The following ITGAX variants were observed in gnomAD, a reference collection of about 807,000 sequenced individuals.
ITGAX encodes the protein integrin alpha-X.
Under a neutral mutation model 140.2 loss-of-function variants are expected in ITGAX, and 99 were observed. That is an observed-to-expected ratio of 0.71 (90% CI 0.60 to 0.83). The LOEUF (loss-of-function observed/expected upper bound fraction) is 0.83, where lower values mean the gene tolerates loss of function less well. ITGAX is among the 40% of genes least tolerant of loss of function. ITGAX has a pLI of 0.00. For synonymous variants in ITGAX, 631 were observed against 600.4 expected (o/e 1.05, Z -0.75); for missense variants, 1,444 against 1,482.0 (o/e 0.97, Z 0.42).
intron 16 of ITGAX, 28 bp downstream of exon 16, chr16:31,371,525 C>G (rs2080960009): frequency 6.2e-7 from 1 of 1,611,448 alleles, no homozygotes; most frequent in Non-Finnish European, 8.5e-7. Flanking sequence ...CAACCCAGGA[C>G]ACCCTGACCT....
Position 31,360,437 on chromosome 16 carries a change from G to A in ITGAX, c.835G>A (p.Ala279Thr). 1 of 1,612,740 alleles carries A rather than the reference G, an allele frequency of 6.2e-7. No individual in the cohort carries two copies. The highest frequency in any genetic ancestry group is 1.7e-5 in the Admixed American group (1 of 59,770). The change falls in exon 8 of 30, where the codon GCA becomes ACA. Residue 279 changes from alanine to threonine, a missense_variant. Transcript: ENST00000268296. Reference protein sequence around the residue: ...YKDVIPMADAAGIIRYAIGVG... With the variant: ...YKDVIPMADATGIIRYAIGVG... ...GGATGTCATCCCCATGGCTGATGCA[G>A]CAGGCATCATCCGCTATGCAATTGG...
At chr16:31,380,147 C>A in intron 26 of ITGAX, 82 bp downstream of exon 26, 1 of 1,537,028 alleles carries the variant, frequency 6.5e-7, no homozygotes. Flanking sequence ...CCATATCCAT[C>A]CTGCTGAAGT....
intron 12 of ITGAX, 51 bp downstream of exon 12, chr16:31,362,804 G>A (rs1302221170): frequency 6.2e-7 from 1 of 1,610,752 alleles, no homozygotes; most frequent in East Asian, 2.2e-5. Context: ...GGAGGTGGCT[G>A]GGGCAGAGGA....
At position 31,363,208 on chromosome 16, in the gene ITGAX, G is replaced by A. The variant is rs2080855535; in HGVS notation, c.1544G>A (p.Gly515Asp). The A allele has an allele frequency of 6.2e-7, 1 of 1,612,884 alleles. No homozygotes were observed. The highest frequency in any genetic ancestry group is 8.5e-7 in the Non-Finnish European group (1 of 1,179,470). ...WCDAVLYGEQ[G>D]HPWGRFGAAL... ...GATGCTGTTCTCTACGGGGAGCAGGGCCACCCCTGGGGTCGCTTTGGGGCG... is the reference window on the plus strand; with the variant it reads ...GATGCTGTTCTCTACGGGGAGCAGGACCACCCCTGGGGTCGCTTTGGGGCG... Residue 515 changes from glycine (G) to aspartate (D), a missense_variant, in exon 14 of 30, where the codon GGC becomes GAC. Physicochemically the swap from Gly to Asp is moderately conservative, Grantham distance 94 (BLOSUM62 -1). Coordinates refer to ENST00000268296, the MANE Select transcript of ITGAX (RefSeq NM_000887.5).
rs928524351 is a variant in ITGAX at position 31,382,838 on chromosome 16, G to A, written c.*931G>A. On this transcript the variant is annotated 3_prime_UTR_variant, in exon 30 of 30. Transcript: ENST00000268296. Reference sequence around the variant, plus strand: ...AGACCCAACCACTTCTATTTTTTGAGGCTATGAATATAGTACCTGAAAAAA... The same window carrying A: ...AGACCCAACCACTTCTATTTTTTGAAGCTATGAATATAGTACCTGAAAAAA... 2 of 296,680 alleles carry A rather than the reference G, an allele frequency of 6.7e-6. No homozygotes were observed. Among genetic ancestry groups the A allele is most frequent in the Non-Finnish European group, 1.3e-5 (2 of 159,706 alleles). 18.4% of individuals were successfully genotyped at this position (296,680 alleles called of 1,614,324 possible). A position where few individuals can be genotyped will look rare whatever the true frequency, so the allele number is the denominator to read the frequency against.
chr16:31,380,326 G>A lies in ITGAX; in HGVS notation c.3121G>A (p.Glu1041Lys), dbSNP rs936204509. Reference protein sequence around the residue: ...RCDVPSFSVQEELDFTLKGNL... With the variant: ...RCDVPSFSVQKELDFTLKGNL... ...TGACGTCCCCTCCTTCAGCGTCCAG[G>A]AGGAGCTGGATTTCACCCTGAAGGG... The change falls in exon 27 of 30, where the codon GAG becomes AAG. Residue 1041 changes from glutamate (E) to lysine (K), a missense_variant. Coordinates refer to ENST00000268296, the MANE Select transcript of ITGAX (RefSeq NM_000887.5). The A allele has an allele frequency of 3.7e-6, 6 of 1,614,198 alleles. No homozygotes were observed. Among genetic ancestry groups the A allele is most frequent in the Non-Finnish European group, 5.1e-6 (6 of 1,180,040 alleles).
intron 14 of ITGAX, 113 bp downstream of exon 14, chr16:31,363,487 T>TGGGCAAGG: frequency 8.3e-7 from 1 of 1,209,664 alleles, no homozygotes; most frequent in Non-Finnish European, 1.2e-6. Flanking sequence ...TGCCCAGCTC[T>TGGGCAAGG]GAGCACCTTG....
At chr16:31,379,686 G>A in intron 24 of ITGAX, 40 bp downstream of exon 24, 1 of 1,576,356 alleles carries the variant, frequency 6.3e-7, no homozygotes, top group Non-Finnish European at 8.6e-7. Flanking sequence ...TGGGGTGGGA[G>A]GCTGGGAGCC....
At chr16:31,377,634 G>T (rs2081032566) in intron 23 of ITGAX, among the ~76,000 whole-genome samples, 1 of 152,200 alleles carries the variant, frequency 6.6e-6, no homozygotes, top group South Asian at 2.1e-4. Flanking sequence ...CTCCCAGCCA[G>T]GTGCACGCTC....
rs1689363621 is a variant in ITGAX, at chr16:31,382,805, G to A, written c.*898G>A. ...CGGCTGCAGCTCACCCAGCCCCAGGGGCAGAAGAGACCCAACCACTTCTAT... is the reference window on the plus strand; with the variant it reads ...CGGCTGCAGCTCACCCAGCCCCAGGAGCAGAAGAGACCCAACCACTTCTAT... On this transcript the variant is annotated 3_prime_UTR_variant, in exon 30 of 30. Coordinates refer to ENST00000268296, the MANE Select transcript of ITGAX (RefSeq NM_000887.5). The A allele has an allele frequency of 2.4e-6, 1 of 417,446 alleles. No homozygotes were observed. The highest frequency in any genetic ancestry group is 4.4e-5 in the East Asian group (1 of 22,804). 25.9% of individuals were successfully genotyped at this position (417,446 alleles called of 1,614,324 possible). A position where few individuals can be genotyped will look rare whatever the true frequency, so the allele number is the denominator to read the frequency against.
chr16:31,375,682 G>A (rs950209792), intron 20 of ITGAX, among the ~76,000 whole-genome samples: 2 of 152,112 alleles, frequency 1.3e-5, no homozygotes, highest in Non-Finnish European at 2.9e-5. Context: ...ACGAAAATTC[G>A]AACTAGGTCC....
In ITGAX at chr16:31,369,292, C is replaced by T. The variant is rs541926572; in HGVS notation, c.1711-1792C>T. ...CAGCTGGCCGGGCGGGGGGCTGACC[C>T]CCCCCCCCACCTCCCTCCCGGACGG... On this transcript the variant is annotated intron_variant, in intron 14 of 29. Coordinates refer to ENST00000268296, the MANE Select transcript of ITGAX (RefSeq NM_000887.5). 6.1e-5 allele frequency among the ~76,000 whole-genome samples: 8 copies of T among 131,304 alleles called. No individual in the cohort carries two copies. In the South Asian group the frequency reaches 1.4e-3, roughly 22 times the overall value. The allele number at this position is 131,304 out of a possible 152,430, so 86.1% of individuals were successfully genotyped here. A position where few individuals can be genotyped will look rare whatever the true frequency, so the allele number is the denominator to read the frequency against.
chr16:31,378,559 T>A (rs1432778883), intron 23 of ITGAX, among the ~76,000 whole-genome samples: 1 of 151,728 alleles, frequency 6.6e-6, no homozygotes, highest in Non-Finnish European at 1.5e-5. Context: ...CTTGAACTCC[T>A]CTTGGGCTCA....
chr16:31,371,843 G>T, intron 17 of ITGAX, 59 bp downstream of exon 17: 1 of 1,584,376 alleles, frequency 6.3e-7, no homozygotes, highest in African/African-American at 1.3e-5. Context: ...AGGCAGGGCA[G>T]GGAGAGAACA....
rs2081074433 is a variant in ITGAX, at chr16:31,382,138, C to T, written c.*231C>T. 6.4e-6 allele frequency: 9 copies of T among 1,407,766 alleles called. No homozygotes were observed. 87.2% of individuals were successfully genotyped at this position (1,407,766 alleles called of 1,614,324 possible). ...CTGCTGTGTTCCCCAAAGGACTTGACTTGCAATTTCTACCTAGAAATACAT... is the reference window on the plus strand; with the variant it reads ...CTGCTGTGTTCCCCAAAGGACTTGATTTGCAATTTCTACCTAGAAATACAT... On this transcript the variant is annotated 3_prime_UTR_variant, in exon 30 of 30. Coordinates refer to ENST00000268296, the MANE Select transcript of ITGAX (RefSeq NM_000887.5).
intron 5 of ITGAX, among the ~76,000 whole-genome samples, chr16:31,358,968 C>T (rs1432738324): frequency 6.6e-6 from 1 of 151,716 alleles, no homozygotes; most frequent in East Asian, 2.0e-4. Flanking sequence ...CAGAGAAGAG[C>T]TACCATGCCC....
Position 31,376,873 on chromosome 16 carries a change from C to A in ITGAX, c.2583C>A (p.Thr861=). The change falls in exon 21 of 30, where the codon ACC becomes ACA. Residue 861 remains threonine (T), a synonymous_variant. Transcript: ENST00000268296. ...TTGGGAGCCAGGGCACCTGGAGCAC[C>A]AGCTGCAGAATCAACCACCTCATCT... The part of the protein sequence containing the change: ...APVGSQGTWS[T]SCRINHLIFR... 1 of 1,614,230 alleles carries A rather than the reference C, an allele frequency of 6.2e-7. No individual in the cohort carries two copies. Among genetic ancestry groups the A allele is most frequent in the Non-Finnish European group, 8.5e-7 (1 of 1,180,050 alleles).
Position 31,382,717 on chromosome 16 carries a change from CGTTGGGCAACATTGCTG to C in ITGAX, c.*812_*828del, listed in dbSNP as rs1567310603. The C allele has an allele frequency of 1.8e-6, 1 of 548,742 alleles. No individual in the cohort carries two copies. The highest frequency in any genetic ancestry group is 1.9e-5 in the African/African-American group (1 of 52,178). 34.0% of individuals were successfully genotyped at this position (548,742 alleles called of 1,614,324 possible). A position where few individuals can be genotyped will look rare whatever the true frequency, so the allele number is the denominator to read the frequency against. ...TGGGTTCTGCACAGCTGGCCTCCCGCGTTGGGCAACATTGCTGGCTGGAAGGGAGGAGCGCCCTCTAG... is the reference window on the plus strand; with the variant it reads ...TGGGTTCTGCACAGCTGGCCTCCCGCGCTGGAAGGGAGGAGCGCCCTCTAG... On this transcript the variant is annotated 3_prime_UTR_variant, in exon 30 of 30. Transcript: ENST00000268296.
intron 2 of ITGAX, chr16:31,356,328 C>G (rs1315992618): frequency 2.3e-6 from 1 of 433,506 alleles, no homozygotes. Flanking sequence ...CAGGGTCTCA[C>G]TATGTTGCCT....
Sources: allele counts gnomAD v4.1 joint callset (sites outside exome capture counted in the v4.1 genomes callset), GRCh38; gene constraint gnomAD v4.1.1; transcripts MANE v1.5; gene names NCBI Gene and HGNC (gene_info 2026-07-23, HGNC 2026-07-21).